SORCS1: variants seen among roughly 807,000 people sequenced by gnomAD.
SORCS1 encodes the protein VPS10 domain-containing receptor SorCS1.
SORCS1 carries 60 observed loss-of-function variants against 146.1 expected under a neutral mutation model. The observed-to-expected ratio is 0.41, with a 90% CI of 0.33 to 0.51. The LOEUF (loss-of-function observed/expected upper bound fraction) is 0.51, where lower values mean the gene tolerates loss of function less well. Ranked by LOEUF, SORCS1 falls within the 20% of genes least tolerant of loss-of-function variation. The pLI, the probability that SORCS1 is intolerant of heterozygous loss-of-function variation, is 0.21. For missense variants in SORCS1, 1,352 were observed against 1,487.6 expected, an observed-to-expected ratio of 0.91 and a Z score of 1.50; for synonymous variants, 637 against 584.0, an observed-to-expected ratio of 1.09 and a Z score of -1.31.
At chr10:106,726,903 G>A (rs373538658) in intron 6 of SORCS1, among the ~76,000 whole-genome samples, 28 of 152,066 alleles carry the variant, frequency 1.8e-4, no homozygotes, top group East Asian at 9.7e-4. Flanking sequence ...TGGCTAACAC[G>A]GTGAAACCCC....
chr10:106,951,339 G>A (rs377632793), intron 2 of SORCS1, among the ~76,000 whole-genome samples: 2 of 151,810 alleles, frequency 1.3e-5, no homozygotes, highest in Admixed American at 6.6e-5. Context: ...GTGAAACCCC[G>A]TCTCTACTAA....
chr10:106,814,586 T>C (rs1245885549), intron 3 of SORCS1, among the ~76,000 whole-genome samples: 2 of 152,196 alleles, frequency 1.3e-5, no homozygotes. Flanking sequence ...CACAGTTCTG[T>C]AATCATTCTG....
At chr10:106,577,680 A>G in intron 25 of SORCS1, 125 bp from the exon 26 acceptor site, 1 of 1,489,932 alleles carries the variant, frequency 6.7e-7, no homozygotes, top group Non-Finnish European at 8.9e-7. Context: ...TAAAGCAAAC[A>G]GAGGCTGTGC....
Position 107,082,465 on chromosome 10 carries a change from CT to C in SORCS1, c.558+81503del, listed in dbSNP as rs530813553. On this transcript the variant is annotated intron_variant, in intron 1 of 25. Transcript: ENST00000263054. The stretch of plus-strand genomic sequence containing the variant: ...TCCGAAGAAGTGGTGCTTCTCCTTT[CT>C]TTTTTTTTCTTTTCTTTTTTGTTTT... Among the ~76,000 whole-genome samples the C allele has an allele frequency of 3.3e-3, 507 of 151,396 alleles. 5 individuals carry two copies. Among genetic ancestry groups the C allele is most frequent in the African/African-American group, 0.012 (489 of 41,278 alleles).
intron 2 of SORCS1, among the ~76,000 whole-genome samples, chr10:106,899,253 G>A (rs533414382): frequency 6.6e-6 from 1 of 152,276 alleles, no homozygotes; most frequent in South Asian, 2.1e-4. Context: ...TCCTCACTAA[G>A]CCCTGGGGAT....
chr10:107,033,051 A>G (rs1958737763), intron 1 of SORCS1, among the ~76,000 whole-genome samples: 1 of 152,194 alleles, frequency 6.6e-6, no homozygotes, highest in Non-Finnish European at 1.5e-5. Flanking sequence ...TGAAGAAAAG[A>G]GGCTTCATTG....
At chr10:106,956,630 T>G in intron 1 of SORCS1, 50 bp from the exon 2 acceptor site, 4 of 1,536,064 alleles carry the variant, frequency 2.6e-6, no homozygotes, top group Non-Finnish European at 3.6e-6. Context: ...TTACAATCTC[T>G]TAGAACTGAA....
At chr10:107,051,017 T>C (rs1437009491) in intron 1 of SORCS1, among the ~76,000 whole-genome samples, 1 of 152,046 alleles carries the variant, frequency 6.6e-6, no homozygotes, top group Non-Finnish European at 1.5e-5. Flanking sequence ...CCTTTTTCTC[T>C]CCCTCCTTCC....
At chr10:107,016,080 A>C (rs188179762) in intron 1 of SORCS1, among the ~76,000 whole-genome samples, 32 of 152,314 alleles carry the variant, frequency 2.1e-4, no homozygotes, top group Non-Finnish European at 4.0e-4. Flanking sequence ...AATAATAAAA[A>C]TTTGAGAGAG....
chr10:107,121,768 T>A (rs1966427740), intron 1 of SORCS1, among the ~76,000 whole-genome samples: 1 of 152,192 alleles, frequency 6.6e-6, no homozygotes, highest in Non-Finnish European at 1.5e-5. Flanking sequence ...TGTGTATGCA[T>A]CTCTTTGCAT....
At chr10:106,854,993 A>G (rs992579142) in intron 2 of SORCS1, among the ~76,000 whole-genome samples, 4 of 152,134 alleles carry the variant, frequency 2.6e-5, no homozygotes, top group African/African-American at 9.7e-5. Context: ...TTGAGTTTCT[A>G]TCCTGTATCA....
chr10:106,823,102 C>T (rs1399746136), intron 3 of SORCS1, among the ~76,000 whole-genome samples: 1 of 152,014 alleles, frequency 6.6e-6, no homozygotes. Flanking sequence ...ATGAATGAAA[C>T]ATACATCCTT....
At chr10:107,145,866 A>C (rs1968280721) in intron 1 of SORCS1, among the ~76,000 whole-genome samples, 1 of 152,314 alleles carries the variant, frequency 6.6e-6, no homozygotes, top group South Asian at 2.1e-4. Flanking sequence ...AAAAGAAAGG[A>C]GCCCAAATTA....
chr10:107,078,603 C>G (rs554984517), intron 1 of SORCS1, among the ~76,000 whole-genome samples: 194 of 152,300 alleles, frequency 1.3e-3, no homozygotes, highest in Non-Finnish European at 1.6e-3. Flanking sequence ...CCCTCAGTAT[C>G]AGATCTTCTT....
At chr10:106,687,423 C>T (rs1032267986) in intron 10 of SORCS1, among the ~76,000 whole-genome samples, 1 of 152,108 alleles carries the variant, frequency 6.6e-6, no homozygotes, top group African/African-American at 2.4e-5. Context: ...TTGTAAAGGG[C>T]CAGATAATAA....
At chr10:106,961,143 T>C (rs745842968) in intron 1 of SORCS1, among the ~76,000 whole-genome samples, 2 of 152,184 alleles carry the variant, frequency 1.3e-5, no homozygotes, top group Non-Finnish European at 2.9e-5. Context: ...CACTGTAAAT[T>C]ACCAAAAGTC....
rs936048174 is a variant in SORCS1, at chr10:106,960,871, A to T, written c.559-4291T>A. Among the ~76,000 whole-genome samples the T allele has an allele frequency of 2.6e-5, 4 of 152,148 alleles. No individual in the cohort carries two copies. The highest frequency in any genetic ancestry group is 4.4e-5 in the Non-Finnish European group (3 of 68,028). On this transcript the variant is annotated intron_variant, in intron 1 of 25. Coordinates refer to ENST00000263054, the MANE Select transcript of SORCS1 (RefSeq NM_052918.5). This position sits in a 1 kb window ranked among gnomAD's most constrained non-coding sequence, Gnocchi z 4.4. The stretch of plus-strand genomic sequence containing the variant: ...AAGGGCTTCTTCTCCCACAGCACTG[A>T]GCCACATTTTCATAACCCGGGCTCC...
At chr10:106,751,954 C>T (rs1858283169) in intron 5 of SORCS1, among the ~76,000 whole-genome samples, 1 of 151,926 alleles carries the variant, frequency 6.6e-6, no homozygotes, top group African/African-American at 2.4e-5. Context: ...GAAAAGAAGA[C>T]AATAAAGAAA....
intron 1 of SORCS1, among the ~76,000 whole-genome samples, chr10:106,966,938 A>C (rs1165490239): frequency 1.3e-5 from 2 of 152,244 alleles, no homozygotes; most frequent in African/African-American, 4.8e-5. Flanking sequence ...TAATAAGGTT[A>C]AACCAAACTA....
Sources: gnomAD v4.1 joint callset for allele counts (sites outside exome capture counted in the v4.1 genomes callset) on GRCh38, gnomAD v4.1.1 for gene constraint, Gnocchi (gnomAD v3.1) non-coding constraint, MANE v1.5 for transcripts, NCBI Gene and HGNC (gene_info 2026-07-23, HGNC 2026-07-21) for gene names.